Variants in PRMT2 observed in about 807,000 individuals in gnomAD.
PRMT2 encodes the protein protein arginine methyltransferase 2, also known as protein arginine N-methyltransferase 2.
Under a neutral mutation model 57.6 loss-of-function variants are expected in PRMT2, and 26 were observed. The ratio of observed to expected loss-of-function variants is 0.45; its 90% CI spans 0.33 to 0.63. The LOEUF is 0.63. Ranked by LOEUF, PRMT2 falls within the 20% of genes least tolerant of loss-of-function variation. The pLI is 0.02. For missense variants in PRMT2, 472 were observed against 564.4 expected (o/e 0.84, Z 1.66); for synonymous variants, 219 against 220.0 (o/e 1.00, Z 0.04).
intron 7 of PRMT2, 84 bp from the exon 8 acceptor site, chr21:46,658,661 T>A: frequency 7.7e-6 from 12 of 1,564,962 alleles, no homozygotes; most frequent in Non-Finnish European, 1.0e-5. Context: ...ACTGTCAGAC[T>A]AGTGTTACGA....
At chr21:46,661,582 A>C (rs1201562853) in intron 9 of PRMT2, 3 of 383,810 alleles carry the variant, frequency 7.8e-6, no homozygotes, top group African/African-American at 4.2e-5. Context: ...CTGGGGTAGA[A>C]AATTGGGCGC....
rs760447316 is a variant in PRMT2, at chr21:46,661,895, G to A, written c.1056G>A (p.Glu352=). ...WFSVHFQSLQ[E]GQPPQVLSTG... is the part of the protein sequence containing the mutation. ...GCGTCCACTTCCAGAGCCTGCAGGA[G>A]GGGCAGCCGCCGCAGGTGCTCAGCA... The change falls in exon 10 of 12, where the codon GAG becomes GAA. Residue 352 remains glutamate (E), a synonymous_variant. Coordinates refer to ENST00000355680, the MANE Select transcript of PRMT2 (RefSeq NM_206962.4). The A allele has an allele frequency of 4.7e-6, 7 of 1,489,980 alleles. No homozygotes were observed. In the South Asian group the frequency reaches 9.1e-5, roughly 19 times the overall value. 92.3% of individuals were successfully genotyped at this position (1,489,980 alleles called of 1,614,324 possible).
In PRMT2 at chr21:46,644,459, G is replaced by A; in HGVS notation, c.298G>A (p.Glu100Lys). 1 of 1,592,126 alleles carries A rather than the reference G, an allele frequency of 6.3e-7. No individual in the cohort carries two copies. The highest frequency in any genetic ancestry group is 8.5e-7 in the Non-Finnish European group (1 of 1,170,676). ...CGACCCCGAGGACACGTGGCAGGAT[G>A]AAGAGTACTTCGGCAGCTATGGAAC... ...EYDPEDTWQD[E>K]EYFGSYGTLK... Residue 100 changes from glutamate (E) to lysine (K), a missense_variant, in exon 5 of 12, where the codon GAA (glutamate) becomes AAA (lysine). Around this residue, in one of 2 missense-constraint regions of PRMT2, gnomAD observed 243 missense variants for 347.2 expected, o/e 0.70. Coordinates refer to ENST00000355680, the MANE Select transcript of PRMT2 (RefSeq NM_206962.4).
Position 46,648,328 on chromosome 21 carries a change from C to A in PRMT2, c.328-130C>A. The A allele has an allele frequency of 1.1e-6, 1 of 879,734 alleles. No individual in the cohort carries two copies. Among genetic ancestry groups the A allele is most frequent in the Non-Finnish European group, 1.7e-6 (1 of 579,050 alleles). The allele number at this position is 879,734 out of a possible 1,614,324, so 54.5% of individuals were successfully genotyped here. A position where few individuals can be genotyped will look rare whatever the true frequency, so the allele number is the denominator to read the frequency against. ...AACTTGGTTGACAGTGATGTCCAGGCCTTCCATAGTCTTCCATAGGGGTGT... is the reference window on the plus strand; with the variant it reads ...AACTTGGTTGACAGTGATGTCCAGGACTTCCATAGTCTTCCATAGGGGTGT... On this transcript the variant is annotated intron_variant, in intron 5 of 11. Transcript: ENST00000355680. The surrounding 1 kb of genome is among the most constrained non-coding windows in gnomAD (Gnocchi z 4.8).
chr21:46,637,987 C>A (rs777529521), intron 3 of PRMT2, among the ~76,000 whole-genome samples: 1 of 152,138 alleles, frequency 6.6e-6, no homozygotes, highest in Non-Finnish European at 1.5e-5. Flanking sequence ...AAGCGACACT[C>A]TAGATAAAGT....
chr21:46,644,211 G>C lies in PRMT2; in HGVS notation c.145-95G>C, dbSNP rs936164192. 21 of 1,263,104 alleles carry C rather than the reference G, an allele frequency of 1.7e-5. No homozygotes were observed. In the Middle Eastern group the frequency reaches 1.0e-3, roughly 60 times the overall value. 78.2% of individuals were successfully genotyped at this position (1,263,104 alleles called of 1,614,324 possible). On this transcript the variant is annotated intron_variant, in intron 4 of 11. Coordinates refer to ENST00000355680, the MANE Select transcript of PRMT2 (RefSeq NM_206962.4). ...CCACTGACTCCTGTTTGAAATCTCT[G>C]TGATTTTGTCACCATTGATGGGATT...
intron 7 of PRMT2, chr21:46,652,665 G>T: frequency 1.0e-6 from 1 of 985,306 alleles, no homozygotes; most frequent in Non-Finnish European, 1.2e-6. Flanking sequence ...GCCTTTTGAA[G>T]GAAAATAGGG....
At chr21:46,636,810 G>A (rs1485534307) in intron 2 of PRMT2, 86 bp from the exon 3 acceptor site, 1 of 696,134 alleles carries the variant, frequency 1.4e-6, no homozygotes, top group Non-Finnish European at 2.3e-6. Context: ...TTTGGTAGAG[G>A]ACATCATGCA....
rs1569167168 is a variant in PRMT2 at position 46,663,659 on chromosome 21, C to T, written c.1269+105C>T. 30 of 1,189,830 alleles carry T rather than the reference C, an allele frequency of 2.5e-5. No individual in the cohort carries two copies. In the South Asian group the frequency reaches 3.8e-4, roughly 15 times the overall value. The allele number at this position is 1,189,830 out of a possible 1,614,324, so 73.7% of individuals were successfully genotyped here. On this transcript the variant is annotated intron_variant, in intron 11 of 11. Coordinates refer to ENST00000355680, the MANE Select transcript of PRMT2 (RefSeq NM_206962.4). ...AGATGCTGGCCCACACTGGGGTCCACGCCTTTTGTGCAGGAGTGATTTAAT... is the reference window on the plus strand; with the variant it reads ...AGATGCTGGCCCACACTGGGGTCCATGCCTTTTGTGCAGGAGTGATTTAAT...
chr21:46,664,193 C>G, intron 11 of PRMT2, 102 bp from the exon 12 acceptor site: 1 of 1,024,750 alleles, frequency 9.8e-7, no homozygotes, highest in Non-Finnish European at 1.5e-6. Context: ...AATTCTGCAC[C>G]TGAATACTGT....
At position 46,643,655 on chromosome 21, in the gene PRMT2, G is replaced by T. The variant is rs572063058; in HGVS notation, c.144+16G>T. ...TGAGACCCAGGTAGCCACACGTGGT[G>T]GTTAATGCTTTATGGCTTTCAGCAT... On this transcript the variant is annotated intron_variant, in intron 4 of 11. Coordinates refer to ENST00000355680, the MANE Select transcript of PRMT2 (RefSeq NM_206962.4). 1 of 1,584,950 alleles carries T rather than the reference G, an allele frequency of 6.3e-7. No homozygotes were observed. Among genetic ancestry groups the T allele is most frequent in the African/African-American group, 1.4e-5 (1 of 73,242 alleles).
intron 5 of PRMT2, among the ~76,000 whole-genome samples, chr21:46,646,246 C>T (rs1013331146): frequency 3.3e-5 from 5 of 152,108 alleles, no homozygotes; most frequent in African/African-American, 7.2e-5. Flanking sequence ...TGCACTTTTT[C>T]GCAGGTATGC....
intron 7 of PRMT2, chr21:46,652,805 A>G: frequency 1.6e-6 from 2 of 1,240,862 alleles, no homozygotes; most frequent in Non-Finnish European, 2.1e-6. Flanking sequence ...TTTGTTAACA[A>G]AGCAGGTGAC....
intron 8 of PRMT2, chr21:46,659,204 T>A: frequency 8.6e-7 from 1 of 1,158,140 alleles, no homozygotes; most frequent in Non-Finnish European, 1.1e-6. Context: ...CAGCAAATTA[T>A]TCTGGAGCAG....
At chr21:46,654,941 T>C in intron 7 of PRMT2, 6 of 982,696 alleles carry the variant, frequency 6.1e-6, no homozygotes, top group Non-Finnish European at 7.3e-6. Flanking sequence ...TGTACATACA[T>C]AGAGTGAGAA....
chr21:46,646,271 A>G (rs1264481585), intron 5 of PRMT2, among the ~76,000 whole-genome samples: 5 of 152,192 alleles, frequency 3.3e-5, no homozygotes, highest in Admixed American at 6.5e-5. Flanking sequence ...TTTCACAATT[A>G]AAAGTGTTAA....
At chr21:46,650,946 C>T (rs2839374) in intron 7 of PRMT2, among the ~76,000 whole-genome samples, 1 of 152,188 alleles carries the variant, frequency 6.6e-6, no homozygotes, top group Admixed American at 6.5e-5. Context: ...AACTGTGTGT[C>T]TGAGGACTTT....
In PRMT2 at chr21:46,641,560, C is replaced by T. The variant is rs550533517; in HGVS notation, c.40-1975C>T. ...TGCAAAAATTAGCCGGGCGTAGTGACACACGCCTGTAGTCCCAGCCTCTCG... is the reference window on the plus strand; with the variant it reads ...TGCAAAAATTAGCCGGGCGTAGTGATACACGCCTGTAGTCCCAGCCTCTCG... On this transcript the variant is annotated intron_variant, in intron 3 of 11. Transcript: ENST00000355680. Among the ~76,000 whole-genome samples the T allele has an allele frequency of 3.1e-4, 47 of 152,198 alleles. 1 individual carries two copies. The South Asian group carries it at 9.5e-3, about 31-fold the overall frequency.
intron 3 of PRMT2, among the ~76,000 whole-genome samples, chr21:46,642,986 C>T (rs1357865416): frequency 1.3e-5 from 2 of 151,484 alleles, no homozygotes; most frequent in African/African-American, 4.9e-5. Context: ...GAGATCATGC[C>T]ATTGCCCTCC....
Sources: allele counts gnomAD v4.1 joint callset (sites outside exome capture counted in the v4.1 genomes callset), GRCh38; gene constraint gnomAD v4.1.1; regional missense constraint gnomAD v4.1.1; non-coding constraint Gnocchi (gnomAD v3.1); transcripts MANE v1.5; gene names NCBI Gene and HGNC (gene_info 2026-07-23, HGNC 2026-07-21).